The following TUSC3 variants were observed in gnomAD, a reference collection of about 807,000 sequenced individuals.
The protein encoded by TUSC3 is tumor suppressor candidate 3.
In TUSC3, 45 loss-of-function variants were observed where a neutral mutation model predicts 44.8. The observed-to-expected ratio is 1.00, with a 90% CI of 0.79 to 1.29. TUSC3 has a LOEUF of 1.29. Ranked by LOEUF, TUSC3 falls within the 50% of genes most tolerant of loss-of-function variation. The pLI is 0.00. For missense variants in TUSC3, 519 were observed against 437.9 expected, an observed-to-expected ratio of 1.19 and a Z score of -1.65; for synonymous variants, 212 against 152.9, an observed-to-expected ratio of 1.39 and a Z score of -2.85.
chr8:15,770,704 T>C (rs1812426595), downstream of TUSC3, among the ~76,000 whole-genome samples: 1 of 152,114 alleles, frequency 6.6e-6, no homozygotes, highest in South Asian at 2.1e-4. Flanking sequence ...ATCAGTGAAC[T>C]TGAAGCTAGG....
At chr8:15,683,920 G>A (rs919784281) in intron 6 of TUSC3, among the ~76,000 whole-genome samples, 1 of 152,108 alleles carries the variant, frequency 6.6e-6, no homozygotes, top group Admixed American at 6.5e-5. Flanking sequence ...GGTTTCTTTG[G>A]TTGTAAATAG....
intron 1 of TUSC3, among the ~76,000 whole-genome samples, chr8:15,546,818 G>C (rs980616816): frequency 6.6e-6 from 1 of 151,690 alleles, no homozygotes; most frequent in East Asian, 2.0e-4. Context: ...TTACAGGCAT[G>C]AGCCACTGCA....
Position 15,621,047 on chromosome 8 carries a change from GT to G in TUSC3, c.139-2032del, listed in dbSNP as rs550638268. On this transcript the variant is annotated intron_variant, in intron 1 of 10. Transcript: ENST00000503731. ...AATGAGAAAAGCATAAAATACTGAG[GT>G]AACTCATACGTAAGTAACTTTCTTA... Among the ~76,000 whole-genome samples the G allele has an allele frequency of 4.1e-3, 626 of 151,940 alleles. 3 individuals carry two copies. The highest frequency in any genetic ancestry group is 0.015 in the African/African-American group (608 of 41,470).
At chr8:15,735,333 G>C (rs944447610) in intron 7 of TUSC3, among the ~76,000 whole-genome samples, 7 of 152,156 alleles carry the variant, frequency 4.6e-5, no homozygotes, top group African/African-American at 1.7e-4. Context: ...TCAAGAACAG[G>C]AATCAGAGAT....
At chr8:15,533,883 G>A (rs1801483672) in intron 2 of TUSC3, among the ~76,000 whole-genome samples, 1 of 152,152 alleles carries the variant, frequency 6.6e-6, no homozygotes, top group South Asian at 2.1e-4. Flanking sequence ...TGGCATGTCT[G>A]TGGTCAGGGA....
chr8:15,530,255 A>G lies in TUSC3; in HGVS notation n.189+46772A>G, dbSNP rs1229895027. ...CTTCTCTAAAGGAAACACACTGAAT[A>G]TCTGTGCATTTTCTCAGATGAGGAC... On this transcript the variant is annotated intron_variant and non_coding_transcript_variant, in intron 2 of 5. Transcript: ENST00000503191. 4.6e-5 allele frequency among the ~76,000 whole-genome samples: 7 copies of G among 152,098 alleles called. No homozygotes were observed. In the South Asian group the frequency reaches 1.0e-3, roughly 23 times the overall value.
chr8:15,613,133 T>C (rs1387570963), intron 1 of TUSC3, among the ~76,000 whole-genome samples: 1 of 150,350 alleles, frequency 6.7e-6, no homozygotes, highest in African/African-American at 2.4e-5. Context: ...GGACACTTTT[T>C]AGTGCTAGAG....
intron 1 of TUSC3, among the ~76,000 whole-genome samples, chr8:15,456,704 A>G (rs1800261136): frequency 6.6e-6 from 1 of 152,200 alleles, no homozygotes; most frequent in African/African-American, 2.4e-5. Flanking sequence ...GGATAAAGAC[A>G]AAATCAGATT....
chr8:15,595,273 T>C (rs1036270849), intron 1 of TUSC3, among the ~76,000 whole-genome samples: 6 of 152,194 alleles, frequency 3.9e-5, no homozygotes, highest in Non-Finnish European at 1.5e-5. Flanking sequence ...CTCAGCTGAA[T>C]ATTCAAGGGG....
At chr8:15,785,198 A>AC in the TUSC3 span, among the ~76,000 whole-genome samples, 87 of 152,226 alleles carry the variant, frequency 5.7e-4, no homozygotes, top group Non-Finnish European at 9.7e-4. Context: ...AACCAGTACG[A>AC]CCCGTACCTC....
chr8:15,552,791 A>G lies in TUSC3; in HGVS notation c.138+12223A>G, dbSNP rs914767447. 5.3e-5 allele frequency among the ~76,000 whole-genome samples: 8 copies of G among 151,786 alleles called. No homozygotes were observed. The East Asian group carries it at 1.4e-3, about 26-fold the overall frequency. ...TGAAGGGTTTTATCTTGGGAGTGAC[A>G]AAGTGAGGTTTATATTTAGAAGGAT... On this transcript the variant is annotated intron_variant, in intron 1 of 10. Transcript: ENST00000503731.
At chr8:15,727,172 A>G (rs191008001) in intron 6 of TUSC3, among the ~76,000 whole-genome samples, 21 of 152,272 alleles carry the variant, frequency 1.4e-4, no homozygotes, top group Admixed American at 3.9e-4. Flanking sequence ...ACAAATTTTT[A>G]AGACCAGCTT....
the TUSC3 span, among the ~76,000 whole-genome samples, chr8:15,780,484 A>G: frequency 6.6e-6 from 1 of 152,164 alleles, no homozygotes; most frequent in Non-Finnish European, 1.5e-5. Context: ...GGACACACAA[A>G]CACTTGCAGG....
At chr8:15,836,838 T>C in the TUSC3 span, among the ~76,000 whole-genome samples, 19 of 152,314 alleles carry the variant, frequency 1.2e-4, no homozygotes, top group Non-Finnish European at 2.2e-4. Flanking sequence ...CTTGCAGTTT[T>C]ATACTTCTAC....
chr8:15,842,798 A>T, the TUSC3 span, among the ~76,000 whole-genome samples: 8 of 152,212 alleles, frequency 5.3e-5, no homozygotes, highest in African/African-American at 1.9e-4. Flanking sequence ...CGTGGCACCA[A>T]AATAGAGGAA....
At chr8:15,655,192 C>T (rs970395646) in intron 3 of TUSC3, among the ~76,000 whole-genome samples, 1 of 152,158 alleles carries the variant, frequency 6.6e-6, no homozygotes, top group Non-Finnish European at 1.5e-5. Context: ...CTAGGAAAGG[C>T]AGTCTCCCAG....
At chr8:15,830,731 G>T in the TUSC3 span, among the ~76,000 whole-genome samples, 1 of 152,064 alleles carries the variant, frequency 6.6e-6, no homozygotes, top group Non-Finnish European at 1.5e-5. Context: ...CATACAGAGG[G>T]AAATAATACA....
At chr8:15,619,495 A>G (rs1365456851) in intron 1 of TUSC3, among the ~76,000 whole-genome samples, 1 of 146,896 alleles carries the variant, frequency 6.8e-6, no homozygotes, top group Non-Finnish European at 1.5e-5. Flanking sequence ...TATTCCATAT[A>G]TTTTTTTTTT....
intron 1 of TUSC3, among the ~76,000 whole-genome samples, chr8:15,470,594 T>C (rs1800478620): frequency 6.6e-6 from 1 of 152,136 alleles, no homozygotes; most frequent in Admixed American, 6.6e-5. Flanking sequence ...AATTTTTCTA[T>C]AAACCATGAA....
Sources: allele counts gnomAD v4.1 joint callset (sites outside exome capture counted in the v4.1 genomes callset), GRCh38; gene constraint gnomAD v4.1.1; transcripts MANE v1.5; gene names NCBI Gene and HGNC (gene_info 2026-07-23, HGNC 2026-07-21).